PCF11: variants seen among roughly 807,000 people sequenced by gnomAD.
PCF11 encodes the protein pre-mRNA cleavage complex 2 protein Pcf11.
Under a neutral mutation model 166.1 loss-of-function variants are expected in PCF11, and 19 were observed. That is an observed-to-expected ratio of 0.11 (90% CI 0.08 to 0.17). The LOEUF (loss-of-function observed/expected upper bound fraction) is 0.17, where lower values mean the gene tolerates loss of function less well. Ranked by LOEUF, PCF11 falls within the 10% of genes least tolerant of loss-of-function variation. PCF11 has a pLI of 1.00. For synonymous variants in PCF11, 663 were observed against 644.1 expected (o/e 1.03, Z -0.44); for missense variants, 1,565 against 1,855.5 (o/e 0.84, Z 2.88).
At chr11:83,164,443 CTAACAA>C in intron 4 of PCF11, 42 bp downstream of exon 4, 1 of 1,402,218 alleles carries the variant, frequency 7.1e-7, no homozygotes, top group Non-Finnish European at 9.9e-7. Context: ...TTAAACCTGT[CTAACAA>C]TAGGGAAGTA....
chr11:83,183,129 T>C (rs765491592), intron 15 of PCF11, 56 bp downstream of exon 15: 2 of 1,072,410 alleles, frequency 1.9e-6, no homozygotes, highest in East Asian at 2.5e-5. Context: ...AATTTTACTT[T>C]TCAGTTTTTT....
chr11:83,181,077 A>C, exon 12 of PCF11: 1 of 1,605,682 alleles, frequency 6.2e-7, no homozygotes, highest in South Asian at 1.1e-5. Context: ...TGAGGTTTAC[A>C]ACATCACAGA....
intron 9 of PCF11, 121 bp from the exon 10 acceptor site, chr11:83,176,964 A>T: frequency 1.7e-6 from 1 of 574,708 alleles, no homozygotes; most frequent in East Asian, 3.5e-5. Context: ...GATTTTGTCA[A>T]ATTTACTGTT....
chr11:83,180,973 T>C, intron 11 of PCF11, 35 bp from the exon 12 acceptor site: 1 of 1,275,964 alleles, frequency 7.8e-7, no homozygotes, highest in Non-Finnish European at 1.1e-6. Context: ...TAAGCCATAT[T>C]ATCAACACTA....
exon 5 of PCF11, chr11:83,166,443 C>G: frequency 3.7e-6 from 6 of 1,613,838 alleles, no homozygotes; most frequent in Non-Finnish European, 5.1e-6. Context: ...AACATCGACA[C>G]CTAAAGCTGG....
At chr11:83,170,298 T>C (rs1728336375) in intron 8 of PCF11, among the ~76,000 whole-genome samples, 1 of 152,144 alleles carries the variant, frequency 6.6e-6, no homozygotes, top group East Asian at 1.9e-4. Flanking sequence ...TATTATACAA[T>C]TGTGTGTCAT....
At chr11:83,166,443 C>T (rs865873497) in exon 5 of PCF11, 5 of 1,613,838 alleles carry the variant, frequency 3.1e-6, no homozygotes, top group African/African-American at 1.3e-5. Flanking sequence ...AACATCGACA[C>T]CTAAAGCTGG....
intron 9 of PCF11, among the ~76,000 whole-genome samples, chr11:83,175,420 G>A (rs1565159542): frequency 1.3e-5 from 2 of 151,580 alleles, no homozygotes; most frequent in African/African-American, 2.4e-5. Context: ...GGTGTGAGCC[G>A]CTGCACCTGG....
rs746082882 is a variant in PCF11 at position 83,165,702 on chromosome 11, C to T, written c.805C>T (p.Pro269Ser). The T allele has an allele frequency of 1.1e-4, 180 of 1,613,656 alleles. No homozygotes were observed. The highest frequency in any genetic ancestry group is 1.5e-4 in the Non-Finnish European group (174 of 1,179,784). Reference sequence around the variant, plus strand: ...GATTCCCCCTATGGCAGTTAAAGCTCCTCATCAGGTTCCTGTGCAATCTGA... The same window carrying T: ...GATTCCCCCTATGGCAGTTAAAGCTTCTCATCAGGTTCCTGTGCAATCTGA... Residue 269 changes from proline (P) to serine (S), a missense_variant, in exon 5 of 16, where the codon CCT (proline) becomes TCT (serine). By Grantham distance (74) the Pro-to-Ser change is moderately conservative (BLOSUM62 -1). Transcript: ENST00000298281.
intron 9 of PCF11, among the ~76,000 whole-genome samples, chr11:83,173,327 T>C (rs937647081): frequency 9.2e-5 from 14 of 152,198 alleles, no homozygotes; most frequent in African/African-American, 3.1e-4. Context: ...TGGTGGTGCA[T>C]GCCTGTAGTC....
At chr11:83,177,495 T>TATTAATGAATA (rs1860928204) in intron 10 of PCF11, among the ~76,000 whole-genome samples, 1 of 152,194 alleles carries the variant, frequency 6.6e-6, no homozygotes, top group Non-Finnish European at 1.5e-5. Flanking sequence ...ATTAATGAAA[T>TATTAATGAATA]AAATGACTTT....
At chr11:83,162,360 A>G (rs562019163) in intron 2 of PCF11, among the ~76,000 whole-genome samples, 2 of 152,356 alleles carry the variant, frequency 1.3e-5, no homozygotes, top group African/African-American at 4.8e-5. Flanking sequence ...TTACATGTTT[A>G]TTAGAAAATA....
chr11:83,182,153 C>T (rs1205051781), intron 13 of PCF11, 144 bp downstream of exon 13: 1 of 759,772 alleles, frequency 1.3e-6, no homozygotes, highest in East Asian at 2.9e-5. Context: ...CAATTTTACT[C>T]TTACAATCTA....
Position 83,166,450 on chromosome 11 carries a change from C to T in PCF11, c.1553C>T (p.Ala518Val), listed in dbSNP as rs115453590. 4,368 of 1,613,898 alleles carry T rather than the reference C, an allele frequency of 2.7e-3. 119 individuals carry two copies. In the African/African-American group the frequency reaches 0.052, roughly 19 times the overall value. Reference sequence around the variant, plus strand: ...ATGTCTCCAACATCGACACCTAAAGCTGGAAAGATTCGCCAATCTGGAGCT... The same window carrying T: ...ATGTCTCCAACATCGACACCTAAAGTTGGAAAGATTCGCCAATCTGGAGCT... Residue 518 changes from alanine to valine, a missense_variant, in exon 5 of 16, where the codon GCT becomes GTT. This residue lies in a region of PCF11 where 468 missense variants were observed against 483.4 expected (regional missense o/e 0.97). Transcript: ENST00000298281.
Position 83,178,847 on chromosome 11 carries a change from G to A in PCF11, c.3983+1028G>A, listed in dbSNP as rs568231953. The stretch of plus-strand genomic sequence containing the variant: ...AAAAAATCTATTTTTCATTTTATAA[G>A]TAATGTTAATTGTGGAAAATTAGAA... On this transcript the variant is annotated intron_variant, in intron 11 of 15. Coordinates refer to ENST00000298281, the Ensembl canonical transcript of PCF11. Among the ~76,000 whole-genome samples, 343 of 151,856 alleles carry A rather than the reference G, an allele frequency of 2.3e-3. 1 individual carries two copies. The highest frequency in any genetic ancestry group is 3.7e-3 in the Non-Finnish European group (253 of 67,948).
chr11:83,186,409 A>C (rs1861293621), exon 16 of PCF11: 1 of 152,230 alleles, frequency 6.6e-6, no homozygotes, highest in Non-Finnish European at 1.5e-5. Context: ...TGAGCCATTA[A>C]TTTTTTTAGT....
rs778959043 is a variant in PCF11 at position 83,165,699 on chromosome 11, G to GCTC, written c.806_808dup (p.Pro269dup). 8.1e-6 allele frequency: 13 copies of GCTC among 1,613,660 alleles called. No individual in the cohort carries two copies. In the African/African-American group the frequency reaches 1.5e-4, roughly 18 times the overall value. ...ACAGATTCCCCCTATGGCAGTTAAA[G>GCTC]CTCCTCATCAGGTTCCTGTGCAATC... is the stretch of plus-strand genomic sequence containing the variant. On this transcript the variant is annotated inframe_insertion, in exon 5 of 16. Transcript: ENST00000298281.
chr11:83,175,180 G>A (rs963919405), intron 9 of PCF11, among the ~76,000 whole-genome samples: 2 of 152,104 alleles, frequency 1.3e-5, no homozygotes, highest in African/African-American at 4.8e-5. Flanking sequence ...CTTTTGTCCA[G>A]GCTGGAGTAC....
At chr11:83,166,579 C>G (rs1234490285) in exon 5 of PCF11, 2 of 1,613,910 alleles carry the variant, frequency 1.2e-6, no homozygotes, top group South Asian at 2.2e-5. Context: ...ATGAAAAAGA[C>G]TGAAGAGGAG....
Sources: gnomAD v4.1 joint callset for allele counts (sites outside exome capture counted in the v4.1 genomes callset) on GRCh38, gnomAD v4.1.1 for gene constraint, gnomAD v4.1.1 regional missense constraint, MANE v1.5 for transcripts, NCBI Gene and HGNC (gene_info 2026-07-23, HGNC 2026-07-21) for gene names.